Variants in GRM7 observed in about 807,000 individuals in gnomAD.
GRM7 encodes metabotropic glutamate receptor 7.
GRM7 carries 35 observed loss-of-function variants against 84.5 expected under a neutral mutation model. The ratio of observed to expected loss-of-function variants is 0.41; its 90% confidence interval spans 0.32 to 0.55. The LOEUF (loss-of-function observed/expected upper bound fraction) is 0.55. Among genes scored for constraint, GRM7 ranks in the 20% least tolerant of loss-of-function variants. The pLI, the probability that GRM7 is intolerant of heterozygous loss-of-function variation, is 0.19. For synonymous variants in GRM7, 487 were observed against 455.1 expected (o/e 1.07, Z -0.89); for missense variants, 1,003 against 1,194.6 (o/e 0.84, Z 2.36).
At chr3:7,243,720 C>T (rs1290329672) in intron 2 of GRM7, among the ~76,000 whole-genome samples, 1 of 152,080 alleles carries the variant, frequency 6.6e-6, no homozygotes, top group African/African-American at 2.4e-5. Flanking sequence ...CTAAGAGACA[C>T]ATCATTAGAC....
chr3:7,255,506 A>C (rs923528159), intron 2 of GRM7, among the ~76,000 whole-genome samples: 3 of 152,244 alleles, frequency 2.0e-5, no homozygotes, highest in Non-Finnish European at 4.4e-5. Context: ...GTTACAAAAG[A>C]CTGCTCAGAA....
intron 8 of GRM7, among the ~76,000 whole-genome samples, chr3:7,639,226 A>G (rs1698249791): frequency 6.6e-6 from 1 of 152,134 alleles, no homozygotes; most frequent in Admixed American, 6.6e-5. Context: ...GCACCTCTCT[A>G]GAGTTTAATA....
intron 2 of GRM7, among the ~76,000 whole-genome samples, chr3:7,215,152 C>T (rs1027327374): frequency 1.3e-5 from 2 of 152,138 alleles, no homozygotes; most frequent in Non-Finnish European, 2.9e-5. Flanking sequence ...TTTCCCTAAA[C>T]GTTATCCCCT....
chr3:7,071,953 T>C (rs192639851), intron 1 of GRM7, among the ~76,000 whole-genome samples: 1 of 151,912 alleles, frequency 6.6e-6, no homozygotes, highest in Non-Finnish European at 1.5e-5. Context: ...CAAAAAAATT[T>C]AAAAAAAAGA....
intron 7 of GRM7, among the ~76,000 whole-genome samples, chr3:7,464,683 C>A (rs1450157696): frequency 1.3e-5 from 2 of 151,938 alleles, no homozygotes; most frequent in Admixed American, 6.6e-5. Flanking sequence ...AAAAAATTAG[C>A]CGGGCATGGT....
chr3:7,136,417 A>G, intron 1 of GRM7, among the ~76,000 whole-genome samples: 1 of 147,236 alleles, frequency 6.8e-6, no homozygotes, highest in South Asian at 2.2e-4. Flanking sequence ...GGTTGTCAGG[A>G]ACTAAGGCCT....
chr3:6,907,429 A>G (rs749620086), intron 1 of GRM7, among the ~76,000 whole-genome samples: 3 of 152,214 alleles, frequency 2.0e-5, no homozygotes, highest in Non-Finnish European at 4.4e-5. Flanking sequence ...TCTGATCTCT[A>G]GTTCAAAATT....
intron 4 of GRM7, among the ~76,000 whole-genome samples, chr3:7,407,253 C>T (rs1333494231): frequency 6.6e-6 from 1 of 152,168 alleles, no homozygotes; most frequent in Admixed American, 6.5e-5. Context: ...CCTGTGGAAG[C>T]AGCCTGTGGC....
intron 2 of GRM7, among the ~76,000 whole-genome samples, chr3:7,219,932 T>G (rs1359037439): frequency 1.3e-5 from 2 of 152,122 alleles, no homozygotes; most frequent in Non-Finnish European, 2.9e-5. Flanking sequence ...TAAAAGTATG[T>G]CAAAGGGATG....
At chr3:7,081,661 A>G (rs144033623) in intron 1 of GRM7, among the ~76,000 whole-genome samples, 65 of 152,244 alleles carry the variant, frequency 4.3e-4, no homozygotes, top group African/African-American at 1.5e-3. Flanking sequence ...AAGCTGAGAT[A>G]GGCCAAAATC....
At chr3:7,519,839 T>A (rs1361639141) in intron 7 of GRM7, 1 of 152,408 alleles carries the variant, frequency 6.6e-6, no homozygotes, top group South Asian at 2.1e-4. Flanking sequence ...AGCTGAGTGG[T>A]AGAATCATTT....
At chr3:7,225,708 C>T (rs1314784653) in intron 2 of GRM7, among the ~76,000 whole-genome samples, 1 of 151,680 alleles carries the variant, frequency 6.6e-6, no homozygotes, top group Non-Finnish European at 1.5e-5. Flanking sequence ...TTTGCTTGTA[C>T]ATTAAGTAGA....
intron 9 of GRM7, among the ~76,000 whole-genome samples, chr3:7,711,384 G>T (rs191880871): frequency 8.7e-4 from 133 of 152,260 alleles, no homozygotes; most frequent in Non-Finnish European, 1.5e-3. Flanking sequence ...GATTTAGTGG[G>T]CACCCAAATG....
chr3:7,568,933 C>A (rs1407156147), intron 7 of GRM7, among the ~76,000 whole-genome samples: 1 of 152,266 alleles, frequency 6.6e-6, no homozygotes, highest in South Asian at 2.1e-4. Flanking sequence ...CCCCCTGCTC[C>A]ACCGGTGCCC....
At chr3:7,467,458 T>C (rs1382958684) in intron 7 of GRM7, among the ~76,000 whole-genome samples, 4 of 152,210 alleles carry the variant, frequency 2.6e-5, no homozygotes, top group African/African-American at 7.2e-5. Context: ...AGTAATTCAG[T>C]TTAAGCCAAT....
intron 1 of GRM7, among the ~76,000 whole-genome samples, chr3:7,058,621 G>A (rs1332360165): frequency 2.0e-5 from 3 of 151,802 alleles, no homozygotes; most frequent in Admixed American, 1.3e-4. Flanking sequence ...TAAATAAATA[G>A]CACTTGAACA....
At chr3:7,498,574 T>G (rs1699781717) in intron 7 of GRM7, among the ~76,000 whole-genome samples, 1 of 152,176 alleles carries the variant, frequency 6.6e-6, no homozygotes, top group Non-Finnish European at 1.5e-5. Flanking sequence ...ATTTGGTTGA[T>G]ATTAGGTTGA....
chr3:6,861,527 G>A lies in GRM7; in HGVS notation c.139G>A (p.Gly47Arg). ...MYAPHSIRIE[G>R]DVTLGGLFPV... The stretch of plus-strand genomic sequence containing the variant: ...CGCCCCGCACTCAATCCGGATCGAG[G>A]GGGACGTCACCCTCGGGGGGCTGTT... The change falls in exon 1 of 10, where the codon GGG becomes AGG. Residue 47 changes from glycine (G) to arginine (R), a missense_variant. Around this residue, in one of 2 missense-constraint regions of GRM7, gnomAD observed 93 missense variants for 68.6 expected, o/e 1.36. Transcript: ENST00000357716. The surrounding 1 kb of genome is among the most constrained non-coding windows in gnomAD (Gnocchi z 6.4). The A allele has an allele frequency of 6.3e-7, 1 of 1,580,072 alleles. No individual in the cohort carries two copies. Among genetic ancestry groups the A allele is most frequent in the Non-Finnish European group, 8.6e-7 (1 of 1,163,844 alleles).
At chr3:7,544,243 G>T (rs1038425695) in intron 7 of GRM7, among the ~76,000 whole-genome samples, 30 of 152,194 alleles carry the variant, frequency 2.0e-4, no homozygotes, top group African/African-American at 6.5e-4. Flanking sequence ...GCTCACTGCA[G>T]ACTCGAACTC....
Sources: allele counts gnomAD v4.1 joint callset (sites outside exome capture counted in the v4.1 genomes callset), GRCh38; gene constraint gnomAD v4.1.1; regional missense constraint gnomAD v4.1.1; non-coding constraint Gnocchi (gnomAD v3.1); transcripts MANE v1.5; gene names NCBI Gene and HGNC (gene_info 2026-07-23, HGNC 2026-07-21).